Variants in CSMD1 observed in about 807,000 individuals in gnomAD.
CSMD1 encodes the protein CUB and Sushi multiple domains 1.
A neutral mutation model predicts 417.5 loss-of-function variants in CSMD1; 213 were observed. The observed-to-expected ratio is 0.51, with a 90% CI of 0.46 to 0.57. The LOEUF (loss-of-function observed/expected upper bound fraction) is 0.57, where lower values mean the gene tolerates loss of function less well. Ranked by LOEUF, CSMD1 falls within the 20% of genes least tolerant of loss-of-function variation. CSMD1 has a pLI of 0.00. For missense variants in CSMD1, 6,923 were observed against 4,529.7 expected, an observed-to-expected ratio of 1.53 and a Z score of -15.17; for synonymous variants, 2,862 against 1,736.8, an observed-to-expected ratio of 1.65 and a Z score of -16.11.
intron 39 of CSMD1, among the ~76,000 whole-genome samples, chr8:3,156,245 G>T (rs1455146675): frequency 1.3e-5 from 2 of 152,142 alleles, no homozygotes; most frequent in East Asian, 3.9e-4. Context: ...ACATAAATGG[G>T]TTCTGAGCAC....
intron 49 of CSMD1, among the ~76,000 whole-genome samples, chr8:3,058,883 C>A (rs556613233): frequency 5.5e-4 from 84 of 152,240 alleles, no homozygotes; most frequent in African/African-American, 2.0e-3. Context: ...CTGCAGGGAC[C>A]TCCCACCTCC....
At chr8:4,106,200 G>C (rs573618038) in intron 3 of CSMD1, among the ~76,000 whole-genome samples, 8 of 152,298 alleles carry the variant, frequency 5.3e-5, no homozygotes, top group African/African-American at 1.9e-4. Flanking sequence ...GGAGATCTAT[G>C]AGAGGAATCC....
intron 3 of CSMD1, among the ~76,000 whole-genome samples, chr8:4,188,026 C>G (rs117144187): frequency 8.2e-4 from 124 of 152,044 alleles, no homozygotes; most frequent in Non-Finnish European, 1.4e-3. Flanking sequence ...AAAAAAAGAC[C>G]TAAGACAGTG....
chr8:4,163,661 A>C (rs2131105424), intron 3 of CSMD1, among the ~76,000 whole-genome samples: 1 of 152,300 alleles, frequency 6.6e-6, no homozygotes, highest in Non-Finnish European at 1.5e-5. Flanking sequence ...AATTCAAGGA[A>C]ATAATTTTAA....
intron 3 of CSMD1, among the ~76,000 whole-genome samples, chr8:4,229,211 A>G (rs1172215501): frequency 2.0e-5 from 3 of 152,180 alleles, no homozygotes; most frequent in African/African-American, 7.2e-5. Flanking sequence ...CAAATACCAA[A>G]TCAGCACATT....
At chr8:3,821,651 A>G (rs1801743786) in intron 5 of CSMD1, among the ~76,000 whole-genome samples, 1 of 152,114 alleles carries the variant, frequency 6.6e-6, no homozygotes, top group African/African-American at 2.4e-5. Flanking sequence ...GCATGGTGGC[A>G]CATGCCTGTA....
chr8:4,751,593 G>C (rs761553178), intron 1 of CSMD1, among the ~76,000 whole-genome samples: 1 of 152,042 alleles, frequency 6.6e-6, no homozygotes, highest in African/African-American at 2.4e-5. Context: ...ATAAAAAACA[G>C]AGTTTATTCA....
intron 2 of CSMD1, among the ~76,000 whole-genome samples, chr8:4,505,574 A>G (rs1802478579): frequency 6.6e-6 from 1 of 152,098 alleles, no homozygotes; most frequent in Admixed American, 6.6e-5. Context: ...ATTGGAATGG[A>G]TTTCTTACTT....
intron 54 of CSMD1, among the ~76,000 whole-genome samples, chr8:2,979,400 G>C (rs957799866): frequency 6.6e-6 from 1 of 152,198 alleles, no homozygotes; most frequent in Non-Finnish European, 1.5e-5. Flanking sequence ...TGCGGCATGC[G>C]GGACATGCTG....
At chr8:4,474,520 A>G (rs1398068010) in intron 2 of CSMD1, among the ~76,000 whole-genome samples, 5 of 152,214 alleles carry the variant, frequency 3.3e-5, no homozygotes, top group South Asian at 2.1e-4. Context: ...GATTAGTACA[A>G]ACTTTGAGCA....
At chr8:4,604,788 T>C (rs930397288) in intron 2 of CSMD1, among the ~76,000 whole-genome samples, 3 of 152,224 alleles carry the variant, frequency 2.0e-5, no homozygotes, top group Non-Finnish European at 4.4e-5. Context: ...TAGATCTACT[T>C]CTTCCTCAAT....
At chr8:3,802,278 T>A (rs988879636) in intron 5 of CSMD1, among the ~76,000 whole-genome samples, 5 of 152,172 alleles carry the variant, frequency 3.3e-5, no homozygotes, top group Non-Finnish European at 5.9e-5. Context: ...GGATGAGATT[T>A]CTGCTATTTT....
At chr8:3,483,456 G>C (rs889323767) in intron 11 of CSMD1, among the ~76,000 whole-genome samples, 1 of 151,900 alleles carries the variant, frequency 6.6e-6, no homozygotes, top group Non-Finnish European at 1.5e-5. Flanking sequence ...AATCTAAATA[G>C]TCCTTTATTA....
At chr8:3,291,108 T>C (rs1392855084) in intron 25 of CSMD1, among the ~76,000 whole-genome samples, 1 of 152,204 alleles carries the variant, frequency 6.6e-6, no homozygotes, top group Non-Finnish European at 1.5e-5. Context: ...GTTGGTTCTG[T>C]TTATATGCTA....
intron 26 of CSMD1, among the ~76,000 whole-genome samples, chr8:3,236,659 C>A (rs1415283489): frequency 6.6e-6 from 1 of 152,192 alleles, no homozygotes; most frequent in Non-Finnish European, 1.5e-5. Flanking sequence ...AAGTGATTGG[C>A]AGAGCACGCT....
At position 3,408,056 on chromosome 8, in the gene CSMD1, G is replaced by T; in HGVS notation, c.1914C>A (p.Leu638=). 1.2e-6 allele frequency: 2 copies of T among 1,613,796 alleles called. No individual in the cohort carries two copies. Among genetic ancestry groups the T allele is most frequent in the Non-Finnish European group, 1.7e-6 (2 of 1,179,864 alleles). Residue 638 remains leucine, a synonymous_variant, in exon 14 of 70, where the codon CTC becomes CTA. Transcript: ENST00000635120. ...DFDVEPQFDF[L]AVKDDGISDI... is the part of the protein sequence containing the mutation. ...CAGAAATGCCATCATCCTTGACCGC[G>T]AGAAAGTCAAACTGAGGCTCAACAT... is the stretch of plus-strand genomic sequence containing the variant.
rs1299137500 is a variant in CSMD1, at chr8:4,267,093, AT to A, written c.415+152859del. Among the ~76,000 whole-genome samples the A allele has an allele frequency of 1.4e-4, 14 of 101,634 alleles. 2 individuals are homozygous for A. In the South Asian group the frequency reaches 2.7e-3, roughly 20 times the overall value. 66.7% of individuals were successfully genotyped at this position (101,634 alleles called of 152,430 possible). Reference sequence around the variant, plus strand: ...TAGAGTGTCTGTTTACTTCAATGTTATTTTTTTTTGAAAGTGCTTTCTAATG... The same window carrying A: ...TAGAGTGTCTGTTTACTTCAATGTTATTTTTTTTGAAAGTGCTTTCTAATG... On this transcript the variant is annotated intron_variant, in intron 3 of 69. Transcript: ENST00000635120.
At chr8:3,834,702 T>C (rs1802577372) in intron 5 of CSMD1, among the ~76,000 whole-genome samples, 2 of 152,012 alleles carry the variant, frequency 1.3e-5, no homozygotes, top group South Asian at 2.1e-4. Flanking sequence ...GTGTCAAAAG[T>C]CTTGGGCAGA....
intron 5 of CSMD1, among the ~76,000 whole-genome samples, chr8:3,972,973 T>C (rs997409965): frequency 3.3e-5 from 5 of 152,232 alleles, no homozygotes; most frequent in African/African-American, 7.2e-5. Flanking sequence ...ACAATACTTA[T>C]GTGGAAAAAC....
Sources: gnomAD v4.1 joint callset for allele counts (sites outside exome capture counted in the v4.1 genomes callset) on GRCh38, gnomAD v4.1.1 for gene constraint, MANE v1.5 for transcripts, NCBI Gene and HGNC (gene_info 2026-07-23, HGNC 2026-07-21) for gene names.